TFAP2B: variants seen among roughly 807,000 people sequenced by gnomAD.
TFAP2B encodes transcription factor AP-2-beta.
TFAP2B carries 9 observed loss-of-function variants against 44.3 expected under a neutral mutation model. The observed-to-expected ratio is 0.20, with a 90% CI of 0.12 to 0.35. TFAP2B has a LOEUF of 0.35. TFAP2B is among the 10% of genes least tolerant of loss of function. TFAP2B has a pLI of 1.00. For synonymous variants in TFAP2B, 270 were observed against 263.8 expected, an observed-to-expected ratio of 1.02 and a Z score of -0.23; for missense variants, 509 against 600.0, an observed-to-expected ratio of 0.85 and a Z score of 1.59.
intron 4 of TFAP2B, among the ~76,000 whole-genome samples, chr6:50,836,499 C>T (rs899441115): frequency 6.6e-6 from 1 of 152,308 alleles, no homozygotes; most frequent in Middle Eastern, 3.4e-3. Flanking sequence ...GTCCTTGCAT[C>T]CAGGCCTGCC....
intron 4 of TFAP2B, among the ~76,000 whole-genome samples, chr6:50,837,326 A>G (rs1012615318): frequency 6.6e-6 from 1 of 152,166 alleles, no homozygotes; most frequent in Non-Finnish European, 1.5e-5. Context: ...TGAGCCTCAG[A>G]GTGTGGAAGT....
At position 50,846,883 on chromosome 6, in the gene TFAP2B, T is replaced by C. The variant is rs921718654; in HGVS notation, c.*3491T>C. ...CCCACTTAAAGAACCGAAGAGGCTT[T>C]TAAAGACCTGGCTGCTTTGTTTTCC... On this transcript the variant is annotated 3_prime_UTR_variant, in exon 7 of 7. Transcript: ENST00000393655. 6.5e-6 allele frequency: 1 copy of C among 152,780 alleles called. No individual in the cohort carries two copies. The highest frequency in any genetic ancestry group is 1.9e-4 in the East Asian group (1 of 5,186). The allele number at this position is 152,780 out of a possible 1,614,324, so 9.5% of individuals were successfully genotyped here.
chr6:50,838,747 T>C (rs1284727236), intron 5 of TFAP2B, among the ~76,000 whole-genome samples: 4 of 152,164 alleles, frequency 2.6e-5, no homozygotes, highest in Non-Finnish European at 2.9e-5. Context: ...TTGGGGATGA[T>C]ATTTATGGTA....
intron 3 of TFAP2B, 103 bp downstream of exon 3, chr6:50,828,782 A>T: frequency 7.3e-7 from 1 of 1,368,044 alleles, no homozygotes; most frequent in Non-Finnish European, 1.0e-6. Flanking sequence ...ACAAGACATA[A>T]ATGTTTGTTC....
At chr6:50,835,853 C>G (rs1052106900) in intron 3 of TFAP2B, among the ~76,000 whole-genome samples, 1 of 152,186 alleles carries the variant, frequency 6.6e-6, no homozygotes. Context: ...TGTCTACACA[C>G]GAAGTAAGTT....
In TFAP2B at chr6:50,824,160, C is replaced by T. The variant is rs186834411; in HGVS notation, c.540+295C>T. The stretch of plus-strand genomic sequence containing the variant: ...AAGATTATTAGAATAAAGGCGAATG[C>T]TTTTGTCCTGCCTCAGCTACCATCT... On this transcript the variant is annotated intron_variant, in intron 2 of 6. Transcript: ENST00000393655. Among the ~76,000 whole-genome samples, 15 of 152,322 alleles carry T rather than the reference C, an allele frequency of 9.8e-5. No individual in the cohort carries two copies. The East Asian group carries it at 2.9e-3, about 29-fold the overall frequency.
At chr6:50,821,208 A>G (rs1345377598) in intron 1 of TFAP2B, among the ~76,000 whole-genome samples, 3 of 152,206 alleles carry the variant, frequency 2.0e-5, no homozygotes, top group African/African-American at 7.2e-5. Context: ...TTTTAAATTG[A>G]GGTAAAAATC....
intron 3 of TFAP2B, among the ~76,000 whole-genome samples, chr6:50,829,921 C>G (rs1230408605): frequency 6.6e-6 from 1 of 151,818 alleles, no homozygotes; most frequent in African/African-American, 2.4e-5. Flanking sequence ...TGGGGCATAA[C>G]TATTTATTTT....
intron 6 of TFAP2B, among the ~76,000 whole-genome samples, chr6:50,840,633 ATC>A (rs1382060034): frequency 1.3e-5 from 2 of 152,056 alleles, no homozygotes; most frequent in Admixed American, 1.3e-4. Context: ...TTTCACATCT[ATC>A]TCTCTGTCGT....
chr6:50,819,827 C>CGAGGCGGCCGAGGCGGGCGAGGTGGGA (rs1225189767), intron 1 of TFAP2B, among the ~76,000 whole-genome samples: 5 of 151,556 alleles, frequency 3.3e-5, no homozygotes, highest in Non-Finnish European at 7.4e-5. Context: ...ACTAGGCGGA[C>CGAGGCGGCCGAGGCGGGCGAGGTGGGA]GAGGCGGCCG....
At chr6:50,841,049 T>C (rs1330372401) in intron 6 of TFAP2B, among the ~76,000 whole-genome samples, 1 of 152,224 alleles carries the variant, frequency 6.6e-6, no homozygotes, top group Non-Finnish European at 1.5e-5. Flanking sequence ...TAAAGAAATA[T>C]ATGGAAGGCT....
chr6:50,819,035 A>AC lies in TFAP2B; in HGVS notation c.81+67dup, dbSNP rs996357004. On this transcript the variant is annotated intron_variant, in intron 1 of 6. Coordinates refer to ENST00000393655, the MANE Select transcript of TFAP2B (RefSeq NM_003221.4). ...AGATAGAGAATTTGAGCTTCTTGAT[A>AC]CCCCAAATGATATATATTTTTAAGC... 5.9e-5 allele frequency: 83 copies of AC among 1,404,996 alleles called. No individual in the cohort carries two copies. In the African/African-American group the frequency reaches 9.2e-4, roughly 16 times the overall value. The allele number at this position is 1,404,996 out of a possible 1,614,324, so 87.0% of individuals were successfully genotyped here. A position where few individuals can be genotyped will look rare whatever the true frequency, so the allele number is the denominator to read the frequency against.
Position 50,844,710 on chromosome 6 carries a change from C to T in TFAP2B, c.*1318C>T, listed in dbSNP as rs1329614053. The T allele has an allele frequency of 1.3e-5, 2 of 152,458 alleles. No homozygotes were observed. Among genetic ancestry groups the T allele is most frequent in the African/African-American group, 4.8e-5 (2 of 41,424 alleles). 9.4% of individuals were successfully genotyped at this position (152,458 alleles called of 1,614,324 possible). ...AGCCCTATATTCTAATAGTATTGCC[C>T]TGCATTTAAAATTGATTTGATTTCC... On this transcript the variant is annotated 3_prime_UTR_variant, in exon 7 of 7. Transcript: ENST00000393655.
At position 50,843,869 on chromosome 6, in the gene TFAP2B, C is replaced by T. The variant is rs762515397; in HGVS notation, c.*477C>T. ...CTCTCGCAGTCCCCGCCCTCCATCTCACCTCACCCGTCTCCCAACCACCCT... is the reference window on the plus strand; with the variant it reads ...CTCTCGCAGTCCCCGCCCTCCATCTTACCTCACCCGTCTCCCAACCACCCT... On this transcript the variant is annotated 3_prime_UTR_variant, in exon 7 of 7. Transcript: ENST00000393655. 61 of 164,106 alleles carry T rather than the reference C, an allele frequency of 3.7e-4. No individual in the cohort carries two copies. The highest frequency in any genetic ancestry group is 6.1e-3 in the Middle Eastern group (2 of 328). The allele number at this position is 164,106 out of a possible 1,614,324, so 10.2% of individuals were successfully genotyped here. A position where few individuals can be genotyped will look rare whatever the true frequency, so the allele number is the denominator to read the frequency against.
Position 50,846,963 on chromosome 6 carries a change from T to C in TFAP2B, c.*3571T>C, listed in dbSNP as rs1281947323. The C allele has an allele frequency of 6.6e-6, 1 of 152,626 alleles. No individual in the cohort carries two copies. The highest frequency in any genetic ancestry group is 2.4e-5 in the African/African-American group (1 of 41,448). 9.5% of individuals were successfully genotyped at this position (152,626 alleles called of 1,614,324 possible). ...AATTATTTCATATCCTACGAAAACT[T>C]TGGTCGAATGGAAAACTCGAAACCT... On this transcript the variant is annotated 3_prime_UTR_variant, in exon 7 of 7. Coordinates refer to ENST00000393655, the MANE Select transcript of TFAP2B (RefSeq NM_003221.4).
At chr6:50,823,956 C>T (rs1014160180) in intron 2 of TFAP2B, 91 bp downstream of exon 2, 1 of 1,373,148 alleles carries the variant, frequency 7.3e-7, no homozygotes, top group African/African-American at 1.4e-5. Flanking sequence ...GCAGCTCTGT[C>T]TCTTTTTGGG....
chr6:50,838,027 G>A lies in TFAP2B; in HGVS notation c.874G>A (p.Gly292Ser). ...RSLRERLEKI[G>S]LNLPAGRRKA... Reference sequence around the variant, plus strand: ...TTTGCGAGAAAGGCTAGAAAAAATCGGTTTGAATTTACCCGCGGGCAGGCG... The same window carrying A: ...TTTGCGAGAAAGGCTAGAAAAAATCAGTTTGAATTTACCCGCGGGCAGGCG... Residue 292 changes from glycine (G) to serine (S), a missense_variant, in exon 5 of 7, where the codon GGT (glycine) becomes AGT (serine). Gly to Ser is a moderately conservative substitution (Grantham distance 56). Coordinates refer to ENST00000393655, the MANE Select transcript of TFAP2B (RefSeq NM_003221.4). 1 of 1,614,086 alleles carries A rather than the reference G, an allele frequency of 6.2e-7. No homozygotes were observed. Among genetic ancestry groups the A allele is most frequent in the Non-Finnish European group, 8.5e-7 (1 of 1,180,012 alleles).
At chr6:50,831,727 A>G (rs1036431749) in intron 3 of TFAP2B, among the ~76,000 whole-genome samples, 1 of 152,146 alleles carries the variant, frequency 6.6e-6, no homozygotes, top group African/African-American at 2.4e-5. Flanking sequence ...TGCTTAACTC[A>G]AAAAAAGGCT....
chr6:50,828,715 C>G (rs1334020416), intron 3 of TFAP2B, 36 bp downstream of exon 3: 1 of 1,608,876 alleles, frequency 6.2e-7, no homozygotes, highest in African/African-American at 1.3e-5. Context: ...AAGCAAAGTT[C>G]TCTCATGCAT....
Sources: allele counts gnomAD v4.1 joint callset (sites outside exome capture counted in the v4.1 genomes callset), GRCh38; gene constraint gnomAD v4.1.1; transcripts MANE v1.5; gene names NCBI Gene and HGNC (gene_info 2026-07-23, HGNC 2026-07-21).